Variants in SCAF8 observed in about 807,000 individuals in gnomAD.
The protein encoded by SCAF8 is SR-related CTD associated factor 8.
SCAF8 carries 23 observed loss-of-function variants against 140.5 expected under a neutral mutation model. The observed-to-expected ratio is 0.16, with a 90% CI of 0.12 to 0.23. The LOEUF (loss-of-function observed/expected upper bound fraction) is 0.23. Ranked by LOEUF, SCAF8 falls within the 10% of genes least tolerant of loss-of-function variation. The pLI, the probability that SCAF8 is intolerant of heterozygous loss-of-function variation, is 1.00. For missense variants in SCAF8, 1,397 were observed against 1,555.7 expected (o/e 0.90, Z 1.72); for synonymous variants, 575 against 528.9 (o/e 1.09, Z -1.20).
intron 5 of SCAF8, 76 bp from the exon 6 acceptor site, chr6:154,794,933 C>G: frequency 7.6e-7 from 1 of 1,310,592 alleles, no homozygotes; most frequent in Non-Finnish European, 1.0e-6. Context: ...AGTAATAAAA[C>G]AAGTTATTCT....
At chr6:154,767,982 A>G (rs1267783557) in intron 1 of SCAF8, among the ~76,000 whole-genome samples, 1 of 152,004 alleles carries the variant, frequency 6.6e-6, no homozygotes, top group African/African-American at 2.4e-5. Context: ...TTTTTCTCTA[A>G]TCATATTAGA....
chr6:154,833,436 C>T lies in SCAF8; in HGVS notation c.*41C>T, dbSNP rs1333806211. The T allele has an allele frequency of 1.3e-6, 2 of 1,573,560 alleles. No individual in the cohort carries two copies. The highest frequency in any genetic ancestry group is 1.7e-6 in the Non-Finnish European group (2 of 1,160,072). On this transcript the variant is annotated 3_prime_UTR_variant, in exon 20 of 20. Transcript: ENST00000367178. ...TAAAAGATACCTTTTGTAAAGTTGT[C>T]ATCTCTCTGTAATAGATAATGGCTG...
At chr6:154,796,025 T>G (rs920629850) in intron 6 of SCAF8, among the ~76,000 whole-genome samples, 5 of 152,186 alleles carry the variant, frequency 3.3e-5, no homozygotes, top group Non-Finnish European at 5.9e-5. Context: ...GTTATATTAT[T>G]TGTAACTAAT....
chr6:154,805,245 A>G (rs1777879368), intron 8 of SCAF8, 124 bp from the exon 9 acceptor site: 6 of 571,480 alleles, frequency 1.0e-5, no homozygotes, highest in East Asian at 2.8e-5. Flanking sequence ...TAAAATTGCA[A>G]AAGAAAACAT....
intron 12 of SCAF8, among the ~76,000 whole-genome samples, chr6:154,812,081 A>G (rs925075905): frequency 1.3e-5 from 2 of 152,122 alleles, no homozygotes; most frequent in Non-Finnish European, 2.9e-5. Flanking sequence ...ACAGCAAAAA[A>G]GAAAATAAAA....
intron 3 of SCAF8, among the ~76,000 whole-genome samples, chr6:154,782,762 T>TC (rs948623313): frequency 9.9e-4 from 150 of 152,236 alleles, no homozygotes; most frequent in African/African-American, 3.5e-3. Context: ...GCAGGAAGCG[T>TC]CCAGCACAAG....
At chr6:154,753,718 G>A (rs1432491225) in intron 1 of SCAF8, among the ~76,000 whole-genome samples, 3 of 152,128 alleles carry the variant, frequency 2.0e-5, no homozygotes, top group African/African-American at 7.2e-5. Context: ...TGTAGAATAC[G>A]CTGGAAGGTG....
At chr6:154,830,892 C>G in intron 18 of SCAF8, 30 bp from the exon 19 acceptor site, 8 of 1,558,846 alleles carry the variant, frequency 5.1e-6, no homozygotes, top group Non-Finnish European at 7.1e-6. Flanking sequence ...CTCATTAAAT[C>G]TGAAATATAT....
intron 1 of SCAF8, among the ~76,000 whole-genome samples, chr6:154,769,688 T>C (rs1016768818): frequency 1.3e-5 from 2 of 152,224 alleles, no homozygotes; most frequent in Non-Finnish European, 2.9e-5. Context: ...GGTTAATTGG[T>C]TTAACAACTT....
chr6:154,793,380 T>G lies in SCAF8; in HGVS notation c.475+404T>G, dbSNP rs544004822. Among the ~76,000 whole-genome samples, 4 of 152,074 alleles carry G rather than the reference T, an allele frequency of 2.6e-5. No individual in the cohort carries two copies. In the East Asian group the frequency reaches 7.7e-4, roughly 29 times the overall value. ...CCAAAATTTCAAAATCGTGTTCTCTTGAGGCATTTAAATGACTATGATAAA... is the reference window on the plus strand; with the variant it reads ...CCAAAATTTCAAAATCGTGTTCTCTGGAGGCATTTAAATGACTATGATAAA... On this transcript the variant is annotated intron_variant, in intron 5 of 19. Coordinates refer to ENST00000367178, the MANE Select transcript of SCAF8 (RefSeq NM_014892.5).
At chr6:154,739,279 A>T (rs1232574774) in intron 1 of SCAF8, among the ~76,000 whole-genome samples, 1 of 152,206 alleles carries the variant, frequency 6.6e-6, no homozygotes, top group Non-Finnish European at 1.5e-5. Flanking sequence ...GGTGTGGGCC[A>T]CTGCCCCTGG....
At chr6:154,778,519 C>T (rs2114853147) in intron 3 of SCAF8, among the ~76,000 whole-genome samples, 1 of 152,276 alleles carries the variant, frequency 6.6e-6, no homozygotes, top group Non-Finnish European at 1.5e-5. Context: ...AATCCCAGCA[C>T]TTTGGGAGGC....
chr6:154,829,298 T>C (rs1020565080), intron 18 of SCAF8, among the ~76,000 whole-genome samples: 4 of 152,104 alleles, frequency 2.6e-5, no homozygotes, highest in African/African-American at 7.2e-5. Flanking sequence ...GATATCTGTA[T>C]TTTCTTTACT....
chr6:154,768,341 CCA>C (rs992852305), intron 1 of SCAF8, among the ~76,000 whole-genome samples: 1 of 152,190 alleles, frequency 6.6e-6, no homozygotes, highest in African/African-American at 2.4e-5. Context: ...TCATGTTACT[CCA>C]CTAAACATAA....
intron 1 of SCAF8, among the ~76,000 whole-genome samples, chr6:154,753,660 C>G (rs573148042): frequency 2.0e-5 from 3 of 151,852 alleles, no homozygotes; most frequent in Non-Finnish European, 1.5e-5. Context: ...TACATGTATA[C>G]AATGTACATA....
chr6:154,748,920 T>A (rs1778772666), intron 1 of SCAF8, among the ~76,000 whole-genome samples: 1 of 152,224 alleles, frequency 6.6e-6, no homozygotes, highest in Admixed American at 6.5e-5. Context: ...TTCCAAATAA[T>A]CCTATGGGTG....
intron 19 of SCAF8, among the ~76,000 whole-genome samples, chr6:154,831,428 A>G (rs1778730055): frequency 6.6e-6 from 1 of 152,112 alleles, no homozygotes; most frequent in Non-Finnish European, 1.5e-5. Flanking sequence ...ACTGCACAAA[A>G]TCTGTATACT....
intron 1 of SCAF8, among the ~76,000 whole-genome samples, chr6:154,745,169 A>G (rs1778667450): frequency 6.6e-6 from 1 of 152,152 alleles, no homozygotes; most frequent in South Asian, 2.1e-4. Flanking sequence ...CTTCTCTTGT[A>G]TGACCTTTGA....
chr6:154,747,443 G>A (rs562584728), intron 1 of SCAF8, among the ~76,000 whole-genome samples: 2 of 152,224 alleles, frequency 1.3e-5, no homozygotes, highest in East Asian at 3.9e-4. Flanking sequence ...CCAGGGAGGT[G>A]GAGGTTGCAG....
Sources: allele counts gnomAD v4.1 joint callset (sites outside exome capture counted in the v4.1 genomes callset), GRCh38; gene constraint gnomAD v4.1.1; transcripts MANE v1.5; gene names NCBI Gene and HGNC (gene_info 2026-07-23, HGNC 2026-07-21).